KSR2: variants seen among roughly 807,000 people sequenced by gnomAD.
KSR2 encodes the protein kinase suppressor of ras 2.
In KSR2, 25 loss-of-function variants were observed where a neutral mutation model predicts 107.8. The ratio of observed to expected loss-of-function variants is 0.23; its 90% CI spans 0.17 to 0.32. The LOEUF (loss-of-function observed/expected upper bound fraction) is 0.32, where lower values mean the gene tolerates loss of function less well. Among genes scored for constraint, KSR2 ranks in the 10% least tolerant of loss-of-function variants. The pLI, the probability that KSR2 is intolerant of heterozygous loss-of-function variation, is 1.00. For synonymous variants in KSR2, 480 were observed against 507.0 expected (o/e 0.95, Z 0.71); for missense variants, 887 against 1,268.9 (o/e 0.70, Z 4.57).
chr12:117,805,199 A>G (rs943355874), intron 3 of KSR2, among the ~76,000 whole-genome samples: 2 of 152,206 alleles, frequency 1.3e-5, no homozygotes, highest in Non-Finnish European at 2.9e-5. Flanking sequence ...TTAATTTGGG[A>G]GAACTTCTTG....
intron 3 of KSR2, among the ~76,000 whole-genome samples, chr12:117,818,844 A>G (rs867580611): frequency 6.6e-6 from 1 of 152,154 alleles, no homozygotes; most frequent in African/African-American, 2.4e-5. Context: ...ATCCTGCCCA[A>G]TGGAGACGTG....
intron 1 of KSR2, among the ~76,000 whole-genome samples, chr12:117,902,586 A>G (rs1894720456): frequency 6.6e-6 from 1 of 151,670 alleles, no homozygotes; most frequent in South Asian, 2.1e-4. Flanking sequence ...ATATTTTAAG[A>G]TGTCTCTGAG....
chr12:117,731,428 C>A (rs1273383517), intron 4 of KSR2, among the ~76,000 whole-genome samples: 1 of 133,238 alleles, frequency 7.5e-6, no homozygotes, highest in East Asian at 2.1e-4. Context: ...GGGGGCAGCC[C>A]CCGCCCAGCC....
intron 14 of KSR2, among the ~76,000 whole-genome samples, chr12:117,509,353 T>C (rs1212930333): frequency 6.6e-6 from 1 of 151,860 alleles, no homozygotes; most frequent in Non-Finnish European, 1.5e-5. Flanking sequence ...TGTTTTCCCC[T>C]CCAATTCAGG....
intron 4 of KSR2, among the ~76,000 whole-genome samples, chr12:117,680,175 ACTC>A (rs1260795407): frequency 6.6e-6 from 1 of 151,586 alleles, no homozygotes; most frequent in African/African-American, 2.4e-5. Context: ...ATTCCTGTTC[ACTC>A]CTCTCCCCAT....
At chr12:117,622,807 A>G (rs893206073) in intron 5 of KSR2, among the ~76,000 whole-genome samples, 1 of 152,232 alleles carries the variant, frequency 6.6e-6, no homozygotes, top group Non-Finnish European at 1.5e-5. Context: ...CACTCAATAG[A>G]TATTTCTTGA....
chr12:117,761,665 C>A, intron 3 of KSR2, 141 bp from the exon 4 acceptor site: 1 of 777,760 alleles, frequency 1.3e-6, no homozygotes, highest in Non-Finnish European at 2.1e-6. Context: ...ATACCTGTTA[C>A]ATCGTATGCA....
Position 117,525,195 on chromosome 12 carries a change from C to A in KSR2, c.1876G>T (p.Glu626Ter), listed in dbSNP as rs766642733. Residue 626 changes from glutamate to a stop codon, truncating the protein, a stop_gained, in exon 14 of 20, where the codon GAA (glutamate) becomes TAA (stop). Transcript: ENST00000339824. LOFTEE classifies it high-confidence loss of function. Reference sequence around the variant, plus strand: ...TCCTCGAAGTCATCCTCTGACTCTTCGGCCTCATCATGGACCTCTTCATTC... The same window carrying A: ...TCCTCGAAGTCATCCTCTGACTCTTAGGCCTCATCATGGACCTCTTCATTC... Reference protein sequence around the residue: ...SENEEVHDEAEESEDDFEEMN... With the variant: ...SENEEVHDEA 1 of 1,609,584 alleles carries A rather than the reference C, an allele frequency of 6.2e-7. No individual in the cohort carries two copies. The highest frequency in any genetic ancestry group is 8.5e-7 in the Non-Finnish European group (1 of 1,176,976).
chr12:117,937,728 G>A (rs946882106), intron 1 of KSR2, among the ~76,000 whole-genome samples: 1 of 151,562 alleles, frequency 6.6e-6, no homozygotes, highest in African/African-American at 2.4e-5. Flanking sequence ...GGAGGCTGAG[G>A]CGGGTGGATC....
In KSR2 at chr12:117,918,174, G is replaced by T. The variant is rs76662764; in HGVS notation, c.180+49902C>A. On this transcript the variant is annotated intron_variant, in intron 1 of 19. Transcript: ENST00000339824. ...AACAGGCAGTTGCCTTTCAGACTAC[G>T]TTTATTTGAGGGGACACAGCTTCAT... is the stretch of plus-strand genomic sequence containing the variant. Among the ~76,000 whole-genome samples the T allele has an allele frequency of 3.7e-3, 570 of 152,326 alleles. 24 individuals carry two copies. In the East Asian group the frequency reaches 0.087, roughly 23 times the overall value.
intron 1 of KSR2, among the ~76,000 whole-genome samples, chr12:117,867,244 A>G (rs1306214455): frequency 6.6e-6 from 1 of 151,958 alleles, no homozygotes; most frequent in African/African-American, 2.4e-5. Context: ...TGAGCCTGGG[A>G]GGTCGAAGCT....
At chr12:117,470,788 C>T (rs766444065) in intron 18 of KSR2, among the ~76,000 whole-genome samples, 4 of 152,204 alleles carry the variant, frequency 2.6e-5, no homozygotes, top group Non-Finnish European at 5.9e-5. Flanking sequence ...CCAGGCTTCT[C>T]TGTTTCTGTA....
chr12:117,485,225 C>T (rs982965013), intron 15 of KSR2, among the ~76,000 whole-genome samples: 1 of 152,144 alleles, frequency 6.6e-6, no homozygotes, highest in Non-Finnish European at 1.5e-5. Context: ...TTTGATGTTT[C>T]CCTAGCAGCA....
chr12:117,531,827 A>C, intron 10 of KSR2, 120 bp from the exon 11 acceptor site: 1 of 637,316 alleles, frequency 1.6e-6, no homozygotes, highest in Non-Finnish European at 2.6e-6. Flanking sequence ...GAGTTTCCAT[A>C]CTTCTGCAGA....
intron 4 of KSR2, among the ~76,000 whole-genome samples, chr12:117,704,919 G>A (rs1886462535): frequency 6.6e-6 from 1 of 151,910 alleles, no homozygotes; most frequent in Non-Finnish European, 1.5e-5. Context: ...TTAATTAGGA[G>A]CTATTGACTC....
At chr12:117,855,342 T>G (rs1421071584) in intron 3 of KSR2, 86 bp downstream of exon 3, 1 of 1,562,414 alleles carries the variant, frequency 6.4e-7, no homozygotes, top group African/African-American at 1.3e-5. Flanking sequence ...CGTCCTGGCC[T>G]GCAGTGGCGG....
chr12:117,732,374 T>C (rs545442732), intron 4 of KSR2, among the ~76,000 whole-genome samples: 1 of 151,976 alleles, frequency 6.6e-6, no homozygotes, highest in South Asian at 2.1e-4. Flanking sequence ...CTGCAACCTC[T>C]GCCTCCTGGG....
chr12:117,623,375 T>TC (rs1882296526), intron 5 of KSR2, among the ~76,000 whole-genome samples: 1 of 152,068 alleles, frequency 6.6e-6, no homozygotes, highest in African/African-American at 2.4e-5. Flanking sequence ...ATGCTATCCC[T>TC]CCCCCAGCCC....
intron 3 of KSR2, among the ~76,000 whole-genome samples, chr12:117,834,973 G>A (rs1017413418): frequency 2.0e-5 from 3 of 152,206 alleles, no homozygotes; most frequent in African/African-American, 7.2e-5. Flanking sequence ...AGCCGTCTTC[G>A]AGGGCAGGGA....
Sources: gnomAD v4.1 joint callset for allele counts (sites outside exome capture counted in the v4.1 genomes callset) on GRCh38, gnomAD v4.1.1 for gene constraint, MANE v1.5 for transcripts, NCBI Gene and HGNC (gene_info 2026-07-23, HGNC 2026-07-21) for gene names.